Variants in HEXA observed in about 807,000 individuals in gnomAD.
The protein encoded by HEXA is beta-hexosaminidase subunit alpha.
In HEXA, 54 loss-of-function variants were observed where a neutral mutation model predicts 73.3. The ratio of observed to expected loss-of-function variants is 0.74; its 90% CI spans 0.59 to 0.92. The LOEUF (loss-of-function observed/expected upper bound fraction) is 0.92. Among genes scored for constraint, HEXA ranks in the 40% least tolerant of loss-of-function variants. HEXA has a pLI of 0.00. For missense variants in HEXA, 649 were observed against 653.0 expected, an observed-to-expected ratio of 0.99 and a Z score of 0.07; for synonymous variants, 230 against 246.9, an observed-to-expected ratio of 0.93 and a Z score of 0.64.
intron 5 of HEXA, chr15:72,351,684 G>A (rs995890637): frequency 4.3e-6 from 1 of 231,354 alleles, no homozygotes; most frequent in African/African-American, 2.3e-5. Flanking sequence ...AAGGCTGGCA[G>A]ATGTGTGGCC....
Position 72,344,156 on chromosome 15 carries a change from A to C in HEXA, c.1527-16T>G. The C allele has an allele frequency of 6.2e-7, 1 of 1,610,196 alleles. No homozygotes were observed. The highest frequency in any genetic ancestry group is 8.5e-7 in the Non-Finnish European group (1 of 1,176,548). ...GACACCTCGCCTGCAAGAGGACATG[A>C]AGAAATGGCAAGATAAGCCCCTCAG... On this transcript the variant is annotated splice_polypyrimidine_tract_variant and intron_variant, in intron 13 of 13. Coordinates refer to ENST00000268097, the MANE Select transcript of HEXA (RefSeq NM_000520.6).
rs2088663016 is a variant in HEXA at position 72,349,206 on chromosome 15, A to G, written c.859T>C (p.Phe287Leu). 4 of 1,613,990 alleles carry G rather than the reference A, an allele frequency of 2.5e-6. No homozygotes were observed. The highest frequency in any genetic ancestry group is 3.4e-6 in the Non-Finnish European group (4 of 1,179,950). ...CYSGSEPSGTFGPVNPSLNNT... is the reference protein window; with the variant it reads ...CYSGSEPSGTLGPVNPSLNNT... ...TTGAGACTGGGATTCACTGGTCCAA[A>G]GGTGCCAGAGGGCTCAGACCCAGAG... The change falls in exon 8 of 14, where the codon TTT becomes CTT. Residue 287 changes from phenylalanine to leucine, a missense_variant. Phe to Leu is a conservative substitution (Grantham distance 22). Coordinates refer to ENST00000268097, the MANE Select transcript of HEXA (RefSeq NM_000520.6).
chr15:72,353,086 A>G lies in HEXA; in HGVS notation c.552T>C (p.Ser184=), dbSNP rs1387980987. The G allele has an allele frequency of 6.2e-7, 1 of 1,610,088 alleles. No homozygotes were observed. The highest frequency in any genetic ancestry group is 2.2e-5 in the East Asian group (1 of 44,870). ...LDTSRHYLPL[S]SILDTLDVMA... ...TGGTTACCAGAGTGTCCAGGATGCT[A>G]GAGAGTGGCAGGTAATGGCGAGATG... Residue 184 remains serine, a synonymous_variant, in exon 5 of 14, where the codon TCT becomes TCC. Coordinates refer to ENST00000268097, the MANE Select transcript of HEXA (RefSeq NM_000520.6).
At chr15:72,347,038 G>A (rs1457921441) in intron 10 of HEXA, among the ~76,000 whole-genome samples, 1 of 151,144 alleles carries the variant, frequency 6.6e-6, no homozygotes, top group African/African-American at 2.4e-5. Flanking sequence ...GATGTTTCTG[G>A]GGACGGGACA....
chr15:72,364,173 G>T (rs946423574), intron 1 of HEXA, among the ~76,000 whole-genome samples: 1 of 152,056 alleles, frequency 6.6e-6, no homozygotes, highest in East Asian at 1.9e-4. Flanking sequence ...GGGAGGCTGC[G>T]GCAGGAGAAT....
intron 3 of HEXA, chr15:72,354,062 T>C: frequency 2.4e-6 from 1 of 416,200 alleles, no homozygotes; most frequent in Non-Finnish European, 4.4e-6. Flanking sequence ...GGCCAAGACA[T>C]ATACTCATGA....
At chr15:72,344,215 A>G (rs1189651433) in intron 13 of HEXA, 75 bp from the exon 14 acceptor site, 1 of 996,356 alleles carries the variant, frequency 1.0e-6, no homozygotes, top group East Asian at 2.5e-5. Context: ...ACACCAGTCA[A>G]CAGTCTCTCC....
rs1046379119 is a variant in HEXA at position 72,343,671 on chromosome 15, A to C, written c.*406T>G. The C allele has an allele frequency of 6.2e-5, 17 of 274,602 alleles. No individual in the cohort carries two copies. Among genetic ancestry groups the C allele is most frequent in the Non-Finnish European group, 1.0e-4 (14 of 138,786 alleles). 17.0% of individuals were successfully genotyped at this position (274,602 alleles called of 1,614,324 possible). A position where few individuals can be genotyped will look rare whatever the true frequency, so the allele number is the denominator to read the frequency against. ...GGAGATATAATGCAGAAGTGAAGTG[A>C]GCAGGCTGAGGATTAGGGCAGGTGT... On this transcript the variant is annotated 3_prime_UTR_variant, in exon 14 of 14. Transcript: ENST00000268097.
intron 12 of HEXA, 191 bp from the exon 13 acceptor site, chr15:72,345,741 A>G (rs2088604258): frequency 1.3e-6 from 1 of 769,046 alleles, no homozygotes; most frequent in Non-Finnish European, 2.1e-6. Flanking sequence ...CTCCACCTTC[A>G]TTAAAATGTG....
intron 6 of HEXA, 183 bp downstream of exon 6, chr15:72,350,950 A>G (rs2088687040): frequency 1.5e-6 from 1 of 660,840 alleles, no homozygotes; most frequent in East Asian, 2.7e-5. Flanking sequence ...GAAGGTCACA[A>G]GGCAAATTAT....
chr15:72,374,841 C>CTCCA (rs1436957707), intron 1 of HEXA, among the ~76,000 whole-genome samples: 1 of 152,024 alleles, frequency 6.6e-6, no homozygotes, highest in African/African-American at 2.4e-5. Flanking sequence ...CCCACATTTT[C>CTCCA]CCCACCCTCA....
chr15:72,343,981 C>T lies in HEXA; in HGVS notation c.*96G>A, dbSNP rs1054496232. Reference sequence around the variant, plus strand: ...CACAGGGGCACGCAGGCAAGGGGCACGAAGGCAAGGGGCTCCGTCCCCTGG... The same window carrying T: ...CACAGGGGCACGCAGGCAAGGGGCATGAAGGCAAGGGGCTCCGTCCCCTGG... On this transcript the variant is annotated 3_prime_UTR_variant, in exon 14 of 14. Transcript: ENST00000268097. The T allele has an allele frequency of 1.2e-5, 13 of 1,068,536 alleles. No individual in the cohort carries two copies. The highest frequency in any genetic ancestry group is 7.8e-5 in the African/African-American group (5 of 64,200). 66.2% of individuals were successfully genotyped at this position (1,068,536 alleles called of 1,614,324 possible). A position where few individuals can be genotyped will look rare whatever the true frequency, so the allele number is the denominator to read the frequency against.
intron 9 of HEXA, 101 bp from the exon 10 acceptor site, chr15:72,347,859 T>C: frequency 8.6e-7 from 1 of 1,162,224 alleles, no homozygotes; most frequent in Non-Finnish European, 1.3e-6. Flanking sequence ...CAGGGGCCTA[T>C]TCCTCATTAA....
At position 72,345,522 on chromosome 15, in the gene HEXA, G is replaced by T. The variant is rs760775455; in HGVS notation, c.1450C>A (p.Leu484Met). 3.1e-6 allele frequency: 5 copies of T among 1,614,248 alleles called. No individual in the cohort carries two copies. The East Asian group carries it at 8.9e-5, about 29-fold the overall frequency. Residue 484 changes from leucine to methionine, a missense_variant, in exon 13 of 14, where the codon CTG (leucine) becomes ATG (methionine). Leu to Met is a conservative substitution (Grantham distance 15). Coordinates refer to ENST00000268097, the MANE Select transcript of HEXA (RefSeq NM_000520.6). Reference sequence around the variant, plus strand: ...TCAGATGTCAACTTGTTGCTCCACAGCCTTTCGGCAACAGCCCCTGCTCTG... The same window carrying T: ...TCAGATGTCAACTTGTTGCTCCACATCCTTTCGGCAACAGCCCCTGCTCTG... ...WPRAGAVAER[L>M]WSNKLTSDLT... is the part of the protein sequence containing the mutation.
At chr15:72,367,218 C>CCACCTAAT (rs1567304915) in intron 1 of HEXA, among the ~76,000 whole-genome samples, 5 of 152,210 alleles carry the variant, frequency 3.3e-5, no homozygotes, top group Non-Finnish European at 7.4e-5. Flanking sequence ...GCTGGGATTA[C>CCACCTAAT]AGGTGTGAGC....
chr15:72,372,857 G>A (rs1325987867), intron 1 of HEXA, among the ~76,000 whole-genome samples: 1 of 152,228 alleles, frequency 6.6e-6, no homozygotes, highest in Non-Finnish European at 1.5e-5. Context: ...GGGCTGGTCA[G>A]GTGGCTCATT....
intron 1 of HEXA, among the ~76,000 whole-genome samples, chr15:72,362,928 A>T (rs2088869413): frequency 6.6e-6 from 1 of 152,216 alleles, no homozygotes; most frequent in Non-Finnish European, 1.5e-5. Context: ...ATAAAGTGGT[A>T]GCTGATTTTG....
At chr15:72,345,278 T>C (rs1476905115) in intron 13 of HEXA, 168 bp downstream of exon 13, 12 of 1,341,708 alleles carry the variant, frequency 8.9e-6, no homozygotes, top group Non-Finnish European at 1.1e-5. Flanking sequence ...TTGTATTTTT[T>C]TTTTCCTGAA....
intron 6 of HEXA, 113 bp downstream of exon 6, chr15:72,351,020 A>AT (rs1348275870): frequency 1.5e-5 from 11 of 756,930 alleles, no homozygotes; most frequent in Middle Eastern, 2.2e-4. Flanking sequence ...TCCTTCCCCT[A>AT]TATTGGTCTA....
Sources: allele counts gnomAD v4.1 joint callset (sites outside exome capture counted in the v4.1 genomes callset), GRCh38; gene constraint gnomAD v4.1.1; transcripts MANE v1.5; gene names NCBI Gene and HGNC (gene_info 2026-07-23, HGNC 2026-07-21).